Variants in C1orf52 observed in about 807,000 individuals in gnomAD.
The protein encoded by C1orf52 is chromosome 1 open reading frame 52.
A neutral mutation model predicts 17.2 loss-of-function variants in C1orf52; 5 were observed. That is an observed-to-expected ratio of 0.29 (90% confidence interval 0.15 to 0.61). The LOEUF (loss-of-function observed/expected upper bound fraction) is 0.61. C1orf52 is among the 20% of genes least tolerant of loss of function. C1orf52 has a pLI of 0.85. For synonymous variants in C1orf52, 110 were observed against 88.0 expected, an observed-to-expected ratio of 1.25 and a Z score of -1.40; for missense variants, 245 against 234.1, an observed-to-expected ratio of 1.05 and a Z score of -0.30.
At position 85,250,863 on chromosome 1, in the gene C1orf52, A is replaced by G. The variant is rs371728155; in HGVS notation, c.*1766T>C. On this transcript the variant is annotated 3_prime_UTR_variant, in exon 3 of 3. Coordinates refer to ENST00000471115, the MANE Select transcript of C1orf52 (RefSeq NM_198077.4). ...GTCACTTGATGCCACTCCTTAGTAT[A>G]TGATACCACAGATTTCCAAATTCAT... is the stretch of plus-strand genomic sequence containing the variant. The G allele has an allele frequency of 6.6e-6, 1 of 152,246 alleles. No homozygotes were observed. The highest frequency in any genetic ancestry group is 2.1e-4 in the South Asian group (1 of 4,834). The allele number at this position is 152,246 out of a possible 1,614,324, so 9.4% of individuals were successfully genotyped here. A position where few individuals can be genotyped will look rare whatever the true frequency, so the allele number is the denominator to read the frequency against.
rs1312414399 is a variant in C1orf52, at chr1:85,259,605, C to G, written c.29G>C (p.Ser10Thr). 7 of 1,578,496 alleles carry G rather than the reference C, an allele frequency of 4.4e-6. No individual in the cohort carries two copies. The highest frequency in any genetic ancestry group is 2.3e-5 in the East Asian group (1 of 42,720). Residue 10 changes from serine to threonine, a missense_variant, in exon 1 of 3, where the codon AGC becomes ACC. By Grantham distance (58) the Ser-to-Thr change is moderately conservative. Coordinates refer to ENST00000471115, the MANE Select transcript of C1orf52 (RefSeq NM_198077.4). ...GCTGCTCCCGTATGCCGCAAAATAG[C>G]TCAGAGGGTCCTTCTCCTCCGCTGC... MAAEEKDPL[S>T]YFAAYGSSSS... is the part of the protein sequence containing the mutation.
chr1:85,250,856 T>G lies in C1orf52; in HGVS notation c.*1773A>C, dbSNP rs1046084996. ...TTGCTTTGTCACTTGATGCCACTCC[T>G]TAGTATATGATACCACAGATTTCCA... On this transcript the variant is annotated 3_prime_UTR_variant, in exon 3 of 3. Transcript: ENST00000471115. The G allele has an allele frequency of 6.6e-6, 1 of 152,230 alleles. No homozygotes were observed. Among genetic ancestry groups the G allele is most frequent in the African/African-American group, 2.4e-5 (1 of 41,472 alleles). 9.4% of individuals were successfully genotyped at this position (152,230 alleles called of 1,614,324 possible). A position where few individuals can be genotyped will look rare whatever the true frequency, so the allele number is the denominator to read the frequency against.
chr1:85,253,291 C>T (rs1253352115), intron 2 of C1orf52, among the ~76,000 whole-genome samples: 1 of 152,034 alleles, frequency 6.6e-6, no homozygotes, highest in East Asian at 1.9e-4. Context: ...TTTCTTTTTA[C>T]AAAAAATAGG....
rs1219593947 is a variant in C1orf52 at position 85,259,379 on chromosome 1, G to C, written c.255C>G (p.His85Gln). The C allele has an allele frequency of 6.8e-6, 11 of 1,611,514 alleles. No homozygotes were observed. The highest frequency in any genetic ancestry group is 9.3e-6 in the Non-Finnish European group (11 of 1,177,856). The change falls in exon 1 of 3, where the codon CAC becomes CAG. Residue 85 changes from histidine (H) to glutamine (Q), a missense_variant. By Grantham distance (24) the His-to-Gln change is conservative. Coordinates refer to ENST00000471115, the MANE Select transcript of C1orf52 (RefSeq NM_198077.4). Reference protein sequence around the residue: ...PLNKQIDWERHVVKAPEEPPK... With the variant: ...PLNKQIDWERQVVKAPEEPPK... ...TCACCTCCTCAGGCGCCTTGACGAC[G>C]TGCCTCTCCCAGTCTATCTGTTTGT... is the stretch of plus-strand genomic sequence containing the variant.
At position 85,251,036 on chromosome 1, in the gene C1orf52, A is replaced by T. The variant is rs1281850767; in HGVS notation, c.*1593T>A. 6.6e-6 allele frequency: 1 copy of T among 152,232 alleles called. No individual in the cohort carries two copies. The highest frequency in any genetic ancestry group is 1.5e-5 in the Non-Finnish European group (1 of 68,040). The allele number at this position is 152,232 out of a possible 1,614,324, so 9.4% of individuals were successfully genotyped here. A position where few individuals can be genotyped will look rare whatever the true frequency, so the allele number is the denominator to read the frequency against. Reference sequence around the variant, plus strand: ...ATATACTGGAAGCCATCATGCTGTTATGGACCTTCATTCCACAAAGCACCA... The same window carrying T: ...ATATACTGGAAGCCATCATGCTGTTTTGGACCTTCATTCCACAAAGCACCA... On this transcript the variant is annotated 3_prime_UTR_variant, in exon 3 of 3. Transcript: ENST00000471115.
chr1:85,255,894 G>A (rs550952738), intron 2 of C1orf52, among the ~76,000 whole-genome samples: 25 of 152,170 alleles, frequency 1.6e-4, no homozygotes, highest in Non-Finnish European at 2.9e-4. Context: ...CAAAAAGACA[G>A]AAATTATCTA....
At chr1:85,255,569 A>G (rs1659915832) in intron 2 of C1orf52, among the ~76,000 whole-genome samples, 1 of 151,688 alleles carries the variant, frequency 6.6e-6, no homozygotes, top group African/African-American at 2.4e-5. Context: ...AAAAAACCCG[A>G]AGGGCTGATA....
chr1:85,258,136 A>G (rs1659992985), intron 2 of C1orf52, among the ~76,000 whole-genome samples: 1 of 151,984 alleles, frequency 6.6e-6, no homozygotes, highest in African/African-American at 2.4e-5. Context: ...AAAAGAAAAA[A>G]AAAAAGAAAA....
At chr1:85,255,847 C>T (rs1214072061) in intron 2 of C1orf52, among the ~76,000 whole-genome samples, 2 of 152,094 alleles carry the variant, frequency 1.3e-5, no homozygotes, top group Non-Finnish European at 2.9e-5. Context: ...TTTGATTTTG[C>T]CTGTATTTGT....
At chr1:85,256,527 CGGTG>C (rs1557779184) in intron 2 of C1orf52, among the ~76,000 whole-genome samples, 2 of 152,044 alleles carry the variant, frequency 1.3e-5, no homozygotes, top group Admixed American at 1.3e-4. Context: ...TGGCCGGGCA[CGGTG>C]GCTCACGCCT....
chr1:85,258,756 G>A, intron 1 of C1orf52, 34 bp from the exon 2 acceptor site: 1 of 1,550,806 alleles, frequency 6.4e-7, no homozygotes, highest in Non-Finnish European at 8.7e-7. Flanking sequence ...GCACTGTGAC[G>A]AACCGAGGTT....
intron 2 of C1orf52, among the ~76,000 whole-genome samples, chr1:85,257,244 A>C (rs1659966943): frequency 6.6e-6 from 1 of 152,268 alleles, no homozygotes. Flanking sequence ...TTTTAAAAAA[A>C]TCACATACAA....
At chr1:85,256,720 A>G (rs1458283945) in intron 2 of C1orf52, among the ~76,000 whole-genome samples, 1 of 145,226 alleles carries the variant, frequency 6.9e-6, no homozygotes, top group African/African-American at 2.6e-5. Context: ...AATGGCGTGA[A>G]CCCGGGAGGC....
At chr1:85,253,687 C>T (rs1406602487) in intron 2 of C1orf52, among the ~76,000 whole-genome samples, 1 of 152,020 alleles carries the variant, frequency 6.6e-6, no homozygotes, top group Non-Finnish European at 1.5e-5. Context: ...TCTGTAGCCA[C>T]AGAAAATTTC....
chr1:85,252,783 T>C (rs1052452726), intron 2 of C1orf52, 81 bp from the exon 3 acceptor site: 3 of 887,364 alleles, frequency 3.4e-6, no homozygotes, highest in Admixed American at 4.9e-5. Context: ...ACTGGCTTTA[T>C]ACCAAAATTA....
chr1:85,252,272 C>T lies in C1orf52; in HGVS notation c.*357G>A, dbSNP rs1570315604. On this transcript the variant is annotated 3_prime_UTR_variant, in exon 3 of 3. Coordinates refer to ENST00000471115, the MANE Select transcript of C1orf52 (RefSeq NM_198077.4). ...TGTTGAAAAGCACCCTACAAGTTCA[C>T]AGTACATTACAATATATTTACTTTA... The T allele has an allele frequency of 1.4e-5, 3 of 212,092 alleles. No homozygotes were observed. The highest frequency in any genetic ancestry group is 7.1e-5 in the African/African-American group (3 of 42,408). 13.1% of individuals were successfully genotyped at this position (212,092 alleles called of 1,614,324 possible).
At chr1:85,252,731 C>CA (rs1557777657) in intron 2 of C1orf52, 29 bp from the exon 3 acceptor site, 1 of 1,550,894 alleles carries the variant, frequency 6.4e-7, no homozygotes, top group Admixed American at 1.8e-5. Context: ...GAGTTTCAAT[C>CA]AGTAATTTTA....
At chr1:85,257,730 C>T (rs1261079971) in intron 2 of C1orf52, among the ~76,000 whole-genome samples, 3 of 152,196 alleles carry the variant, frequency 2.0e-5, no homozygotes, top group African/African-American at 4.8e-5. Flanking sequence ...TCATTATCTT[C>T]CTATTACTAT....
chr1:85,257,872 G>A (rs1001747696), intron 2 of C1orf52, among the ~76,000 whole-genome samples: 1 of 152,144 alleles, frequency 6.6e-6, no homozygotes, highest in Non-Finnish European at 1.5e-5. Flanking sequence ...TTGGGAGGCC[G>A]AGGCAGGTGG....
Sources: gnomAD v4.1 joint callset for allele counts (sites outside exome capture counted in the v4.1 genomes callset) on GRCh38, gnomAD v4.1.1 for gene constraint, MANE v1.5 for transcripts, NCBI Gene and HGNC (gene_info 2026-07-23, HGNC 2026-07-21) for gene names.